Variants in SPTA1 observed in about 807,000 individuals in gnomAD.
SPTA1 encodes spectrin alpha, erythrocytic 1.
Under a neutral mutation model 324.7 loss-of-function variants are expected in SPTA1, and 177 were observed. That is an observed-to-expected ratio of 0.55 (90% CI 0.48 to 0.62). The LOEUF (loss-of-function observed/expected upper bound fraction) is 0.62, where lower values mean the gene tolerates loss of function less well. Ranked by LOEUF, SPTA1 falls within the 20% of genes least tolerant of loss-of-function variation. The pLI, the probability that SPTA1 is intolerant of heterozygous loss-of-function variation, is 0.00. For synonymous variants in SPTA1, 1,195 were observed against 1,041.3 expected (o/e 1.15, Z -2.84); for missense variants, 3,162 against 2,883.6 (o/e 1.10, Z -2.21).
Position 158,686,639 on chromosome 1 carries a change from G to GA in SPTA1, c.-123_-122insT. ...GAAATATAGAAACGTTAAGTATGTG[G>GA]GGGAAAAAAAAAAACCTCTTGCTTG... On this transcript the variant is annotated 5_prime_UTR_variant, in exon 1 of 52. An upstream open reading frame in the 5' UTR gains an earlier in-frame stop. Transcript: ENST00000643759. The GA allele has an allele frequency of 4.2e-6, 3 of 712,438 alleles. No homozygotes were observed. Among genetic ancestry groups the GA allele is most frequent in the Non-Finnish European group, 7.0e-6 (3 of 428,036 alleles). The allele number at this position is 712,438 out of a possible 1,614,324, so 44.1% of individuals were successfully genotyped here.
Position 158,611,287 on chromosome 1 carries a change from T to A in SPTA1, c.7237A>T (p.Thr2413Ser), listed in dbSNP as rs376198878. ...TATTAGTTGCCAAAGTAGGAATTGG[T>A]GAAGCCAACGTAGTCATAGCCAGAG... ...HLSGYDYVGF[T>S]NSYFGN The change falls in exon 52 of 52, where the codon ACC becomes TCC. Residue 2413 changes from threonine to serine, a missense_variant. Transcript: ENST00000643759. 30 of 1,613,700 alleles carry A rather than the reference T, an allele frequency of 1.9e-5. No individual in the cohort carries two copies. Among genetic ancestry groups the A allele is most frequent in the Non-Finnish European group, 2.5e-5 (30 of 1,179,812 alleles).
At chr1:158,643,051 C>T in intron 31 of SPTA1, 75 bp from the exon 32 acceptor site, 1 of 1,587,660 alleles carries the variant, frequency 6.3e-7, no homozygotes, top group Non-Finnish European at 8.6e-7. Context: ...CATAAATCTT[C>T]CCATTTGCCA....
chr1:158,666,192 C>A (rs760759068), intron 16 of SPTA1, 124 bp downstream of exon 16: 1 of 855,372 alleles, frequency 1.2e-6, no homozygotes. Flanking sequence ...AGAGCATATA[C>A]ACCCATTGCT....
At position 158,676,263 on chromosome 1, in the gene SPTA1, C is replaced by G; in HGVS notation, c.990G>C (p.Leu330=). 1 of 1,613,688 alleles carries G rather than the reference C, an allele frequency of 6.2e-7. No individual in the cohort carries two copies. Among genetic ancestry groups the G allele is most frequent in the Non-Finnish European group, 8.5e-7 (1 of 1,179,748 alleles). ...GTGCATCTGAAGGATGGGAAAGTGT[C>G]AGCTTCTCTGCTTTAGCACATAACT... ...VKELCAKAEK[L]TLSHPSDAPQ... Residue 330 remains leucine (L), a synonymous_variant, in exon 8 of 52, where the codon CTG becomes CTC. Transcript: ENST00000643759.
intron 3 of SPTA1, among the ~76,000 whole-genome samples, chr1:158,682,951 C>T (rs1176881636): frequency 6.6e-6 from 1 of 151,988 alleles, no homozygotes; most frequent in Non-Finnish European, 1.5e-5. Flanking sequence ...AAAGAGGCAT[C>T]ATAGACAAAG....
intron 47 of SPTA1, among the ~76,000 whole-genome samples, chr1:158,616,733 T>C (rs1343143590): frequency 1.3e-5 from 2 of 152,214 alleles, no homozygotes; most frequent in Non-Finnish European, 2.9e-5. Flanking sequence ...GGAGGGCAGA[T>C]ATTTCTTTGA....
At position 158,615,395 on chromosome 1, in the gene SPTA1, C is replaced by T. The variant is rs79592002; in HGVS notation, c.6609G>A (p.Gln2203=). 1 of 1,614,044 alleles carries T rather than the reference C, an allele frequency of 6.2e-7. No individual in the cohort carries two copies. Residue 2203 remains glutamine, a synonymous_variant, in exon 48 of 52, where the codon CAG becomes CAA. Transcript: ENST00000643759. ...GACGCTTCATCGCCTGGATCTCCTT[C>T]TGTTTTCTCTGGAAAAACGACAGAG... ...ESQLEANKRK[Q]KEIQAMKRQL...
At chr1:158,620,757 A>G (rs1007294307) in intron 43 of SPTA1, 2 of 316,050 alleles carry the variant, frequency 6.3e-6, no homozygotes, top group Non-Finnish European at 1.2e-5. Context: ...TTAAAATTCC[A>G]AAAGTAGCAA....
At chr1:158,622,640 T>A (rs1571383908) in intron 43 of SPTA1, 1 of 293,226 alleles carries the variant, frequency 3.4e-6, no homozygotes, top group East Asian at 9.1e-5. Context: ...AGTGCTCCTT[T>A]TATTTGGGTT....
At chr1:158,653,472 C>T in intron 21 of SPTA1, 47 bp from the exon 22 acceptor site, 1 of 1,611,218 alleles carries the variant, frequency 6.2e-7, no homozygotes, top group Non-Finnish European at 8.5e-7. Context: ...CTTGGAAAAG[C>T]AACAAACGGG....
rs964617832 is a variant in SPTA1 at position 158,676,047 on chromosome 1, G to C, written c.1112+94C>G. 1.7e-5 allele frequency: 26 copies of C among 1,546,470 alleles called. No individual in the cohort carries two copies. In the African/African-American group the frequency reaches 3.1e-4, roughly 19 times the overall value. On this transcript the variant is annotated intron_variant, in intron 8 of 51. Coordinates refer to ENST00000643759, the MANE Select transcript of SPTA1 (RefSeq NM_003126.4). ...AGCAGGCAGGAGAGCTGATTCTCTC[G>C]CTATTTGACTCCCTTTACTCTTATT... is the stretch of plus-strand genomic sequence containing the variant.
chr1:158,630,649 T>G (rs1223096697), intron 39 of SPTA1, among the ~76,000 whole-genome samples: 1 of 151,802 alleles, frequency 6.6e-6, no homozygotes, highest in African/African-American at 2.4e-5. Flanking sequence ...TGGGAGTATA[T>G]AAAGCTAAAA....
intron 43 of SPTA1, 168 bp downstream of exon 43, chr1:158,622,815 G>A (rs1650001512): frequency 1.5e-6 from 1 of 678,414 alleles, no homozygotes. Flanking sequence ...AATTTTTAAA[G>A]CTTCTTTTCA....
intron 17 of SPTA1, among the ~76,000 whole-genome samples, chr1:158,662,142 T>A (rs1477835773): frequency 6.6e-6 from 1 of 152,200 alleles, no homozygotes; most frequent in Non-Finnish European, 1.5e-5. Flanking sequence ...AGACTAAACC[T>A]TTCATTGTCC....
rs147557062 is a variant in SPTA1, at chr1:158,653,435, G to C, written c.3037-10C>G. 1 of 1,613,772 alleles carries C rather than the reference G, an allele frequency of 6.2e-7. No homozygotes were observed. The highest frequency in any genetic ancestry group is 1.3e-5 in the African/African-American group (1 of 74,898). ...CCACCTTCCACCAGTCCTGAAGGGA[G>C]AGCAGATCCCCACTCCGTCATTAAT... On this transcript the variant is annotated splice_polypyrimidine_tract_variant and intron_variant, in intron 21 of 51. Coordinates refer to ENST00000643759, the MANE Select transcript of SPTA1 (RefSeq NM_003126.4).
At chr1:158,673,372 T>G (rs185493233) in intron 10 of SPTA1, among the ~76,000 whole-genome samples, 52 of 152,244 alleles carry the variant, frequency 3.4e-4, no homozygotes, top group African/African-American at 1.1e-3. Flanking sequence ...GTAACTATCA[T>G]TCCAAGGTGT....
intron 24 of SPTA1, among the ~76,000 whole-genome samples, chr1:158,651,015 T>C (rs1484318279): frequency 6.6e-6 from 1 of 152,208 alleles, no homozygotes; most frequent in African/African-American, 2.4e-5. Flanking sequence ...ATGTCCAGTG[T>C]AATATTATCT....
intron 25 of SPTA1, 59 bp from the exon 26 acceptor site, chr1:158,648,712 T>TG (rs1652185667): frequency 6.3e-7 from 1 of 1,598,304 alleles, no homozygotes; most frequent in Non-Finnish European, 8.5e-7. Context: ...GGCAGGCTAG[T>TG]GGGGGTCACA....
chr1:158,642,094 G>A (rs1230701704), intron 33 of SPTA1, among the ~76,000 whole-genome samples: 1 of 151,822 alleles, frequency 6.6e-6, no homozygotes, highest in African/African-American at 2.4e-5. Flanking sequence ...TCACTCATAG[G>A]TGGGAACTGA....
Sources: allele counts gnomAD v4.1 joint callset (sites outside exome capture counted in the v4.1 genomes callset), GRCh38; gene constraint gnomAD v4.1.1; transcripts MANE v1.5; gene names NCBI Gene and HGNC (gene_info 2026-07-23, HGNC 2026-07-21).